Variants in PPP4R2 observed in about 807,000 individuals in gnomAD.
PPP4R2 encodes protein phosphatase 4 regulatory subunit 2, also known as serine/threonine-protein phosphatase 4 regulatory subunit 2.
In PPP4R2, 13 loss-of-function variants were observed where a neutral mutation model predicts 47.2. That is an observed-to-expected ratio of 0.28 (90% CI 0.18 to 0.44). The LOEUF is 0.44. Ranked by LOEUF, PPP4R2 falls within the 20% of genes least tolerant of loss-of-function variation. The pLI is 1.00. For missense variants in PPP4R2, 421 were observed against 491.2 expected, an observed-to-expected ratio of 0.86 and a Z score of 1.35; for synonymous variants, 151 against 163.3, an observed-to-expected ratio of 0.92 and a Z score of 0.57.
chr3:73,050,018 G>A (rs1040525535), intron 3 of PPP4R2, among the ~76,000 whole-genome samples: 2 of 152,142 alleles, frequency 1.3e-5, no homozygotes, highest in African/African-American at 4.8e-5. Flanking sequence ...TGGGCTCACT[G>A]CAACTTCCGC....
rs1042355518 is a variant in PPP4R2, at chr3:73,067,362, T to G, written c.*1640T>G. The G allele has an allele frequency of 3.3e-5, 5 of 152,116 alleles. No homozygotes were observed. The highest frequency in any genetic ancestry group is 3.3e-4 in the Admixed American group (5 of 15,264). The allele number at this position is 152,116 out of a possible 1,614,324, so 9.4% of individuals were successfully genotyped here. A position where few individuals can be genotyped will look rare whatever the true frequency, so the allele number is the denominator to read the frequency against. ...CCACAAGTTTTGCGTTTTGACTACT[T>G]AAATCATCATGGCTATAAATACCAA... On this transcript the variant is annotated 3_prime_UTR_variant, in exon 9 of 9. Transcript: ENST00000356692.
At chr3:73,023,818 C>T (rs1559553978) in intron 2 of PPP4R2, among the ~76,000 whole-genome samples, 1 of 151,908 alleles carries the variant, frequency 6.6e-6, no homozygotes, top group East Asian at 1.9e-4. Context: ...TTGAGCAAAC[C>T]TTTGTATGTT....
intron 2 of PPP4R2, among the ~76,000 whole-genome samples, chr3:73,034,576 A>G (rs897096958): frequency 6.6e-5 from 10 of 152,220 alleles, no homozygotes; most frequent in African/African-American, 2.4e-4. Context: ...TCTTTTGCCC[A>G]GGCTGCAGTG....
intron 2 of PPP4R2, among the ~76,000 whole-genome samples, chr3:73,003,410 G>C (rs12637147): frequency 6.6e-6 from 1 of 151,470 alleles, no homozygotes; most frequent in South Asian, 2.1e-4. Flanking sequence ...ACGGGGTTTC[G>C]CTGTGTTGAA....
intron 4 of PPP4R2, among the ~76,000 whole-genome samples, chr3:73,059,398 A>G (rs1480729054): frequency 6.6e-6 from 1 of 152,194 alleles, no homozygotes; most frequent in Non-Finnish European, 1.5e-5. Flanking sequence ...ATATCAACTT[A>G]TTAAAGGTTC....
chr3:73,062,183 T>A (rs567348544), intron 5 of PPP4R2: 1 of 1,560,166 alleles, frequency 6.4e-7, no homozygotes, highest in African/African-American at 1.4e-5. Flanking sequence ...CTATGATTCT[T>A]AACAAAATTA....
At chr3:73,005,574 T>C (rs745407054) in intron 2 of PPP4R2, among the ~76,000 whole-genome samples, 3 of 151,630 alleles carry the variant, frequency 2.0e-5, no homozygotes, top group Non-Finnish European at 4.4e-5. Context: ...ACGGGCCGGG[T>C]GCGGTGGCTC....
intron 2 of PPP4R2, among the ~76,000 whole-genome samples, chr3:73,028,873 G>A (rs979474377): frequency 6.6e-6 from 1 of 152,190 alleles, no homozygotes. Flanking sequence ...AAGGGAATGG[G>A]GGAAATATAA....
At chr3:73,040,426 AG>A (rs1702353877) in intron 2 of PPP4R2, among the ~76,000 whole-genome samples, 1 of 152,064 alleles carries the variant, frequency 6.6e-6, no homozygotes, top group Non-Finnish European at 1.5e-5. Context: ...AGATGCCTAC[AG>A]GGTTTATTAT....
intron 4 of PPP4R2, among the ~76,000 whole-genome samples, 194 bp from the exon 5 acceptor site, chr3:73,060,829 T>G (rs539418882): frequency 1.8e-4 from 28 of 152,286 alleles, no homozygotes; most frequent in African/African-American, 5.5e-4. Context: ...GAGTAGGATA[T>G]TCTCTTTTGG....
At chr3:73,051,405 C>T (rs1392977026) in intron 3 of PPP4R2, among the ~76,000 whole-genome samples, 1 of 152,130 alleles carries the variant, frequency 6.6e-6, no homozygotes, top group African/African-American at 2.4e-5. Flanking sequence ...TCTTTGATTG[C>T]AAGTGAAATG....
At chr3:73,036,618 C>T (rs1458484449) in intron 2 of PPP4R2, among the ~76,000 whole-genome samples, 1 of 152,150 alleles carries the variant, frequency 6.6e-6, no homozygotes, top group Non-Finnish European at 1.5e-5. Context: ...TGTTCATTTT[C>T]CATGTATTCA....
chr3:73,030,751 G>A (rs1453332721), intron 2 of PPP4R2, among the ~76,000 whole-genome samples: 4 of 151,350 alleles, frequency 2.6e-5, no homozygotes, highest in African/African-American at 7.3e-5. Context: ...TGCCCAGGCC[G>A]GAGTGCAGTG....
In PPP4R2 at chr3:72,998,176, A is replaced by G. The variant is rs1210507289; in HGVS notation, c.116+18A>G. 2 of 1,535,164 alleles carry G rather than the reference A, an allele frequency of 1.3e-6. No homozygotes were observed. Among genetic ancestry groups the G allele is most frequent in the Middle Eastern group, 1.7e-4 (1 of 5,928 alleles). ...GAAACAATGTGAGTTGAAAACATGC[A>G]TTTGTCGTTATAGACCAGTGCATTA... On this transcript the variant is annotated intron_variant, in intron 2 of 8. Coordinates refer to ENST00000356692, the MANE Select transcript of PPP4R2 (RefSeq NM_174907.4).
intron 2 of PPP4R2, chr3:73,015,724 A>C (rs1217931574): frequency 2.8e-6 from 1 of 363,572 alleles, no homozygotes; most frequent in Middle Eastern, 9.3e-4. Flanking sequence ...TGCAAGCTCC[A>C]CCCCCTGGGT....
intron 2 of PPP4R2, among the ~76,000 whole-genome samples, chr3:73,033,321 A>C (rs1215024547): frequency 6.6e-6 from 1 of 152,138 alleles, no homozygotes; most frequent in South Asian, 2.1e-4. Flanking sequence ...CCCTCTTTGT[A>C]TGTGACCTGG....
At chr3:73,049,150 A>G (rs1702557159) in intron 3 of PPP4R2, among the ~76,000 whole-genome samples, 1 of 152,252 alleles carries the variant, frequency 6.6e-6, no homozygotes, top group South Asian at 2.1e-4. Flanking sequence ...GATACATTTT[A>G]GAAGCATGTT....
chr3:73,013,731 T>C (rs1180131342), intron 2 of PPP4R2, among the ~76,000 whole-genome samples: 1 of 152,050 alleles, frequency 6.6e-6, no homozygotes, highest in Non-Finnish European at 1.5e-5. Context: ...CTCCACCTCC[T>C]GGTTTCAAGC....
At chr3:73,053,908 CAA>C (rs10631666) in intron 3 of PPP4R2, among the ~76,000 whole-genome samples, 17 of 103,634 alleles carry the variant, frequency 1.6e-4, no homozygotes, top group Admixed American at 2.2e-4. Flanking sequence ...GACACCATCT[CAA>C]AAAAAAAAAA....
Sources: allele counts gnomAD v4.1 joint callset (sites outside exome capture counted in the v4.1 genomes callset), GRCh38; gene constraint gnomAD v4.1.1; transcripts MANE v1.5; gene names NCBI Gene and HGNC (gene_info 2026-07-23, HGNC 2026-07-21).